INPP5D: variants seen among roughly 807,000 people sequenced by gnomAD.
INPP5D encodes the protein inositol polyphosphate-5-phosphatase D.
In INPP5D, 33 loss-of-function variants were observed where a neutral mutation model predicts 122.9. The ratio of observed to expected loss-of-function variants is 0.27; its 90% CI spans 0.20 to 0.36. The LOEUF is 0.36. Among genes scored for constraint, INPP5D ranks in the 10% least tolerant of loss-of-function variants. The probability of loss-of-function intolerance (pLI) is 1.00; values close to 1 mark genes in which losing one functional copy is unlikely to be tolerated. For synonymous variants in INPP5D, 584 were observed against 576.2 expected (o/e 1.01, Z -0.19); for missense variants, 1,053 against 1,412.7 (o/e 0.75, Z 4.08).
At position 233,169,342 on chromosome 2, in the gene INPP5D, T is replaced by C. The variant is rs1204583026; in HGVS notation, c.1593T>C (p.Asn531=). 5 of 1,606,880 alleles carry C rather than the reference T, an allele frequency of 3.1e-6. No homozygotes were observed. Among genetic ancestry groups the C allele is most frequent in the Non-Finnish European group, 3.4e-6 (4 of 1,176,666 alleles). Residue 531 remains asparagine, a synonymous_variant, in exon 14 of 27, where the codon AAT becomes AAC. Transcript: ENST00000445964. ...CCGTGGGGGTGTCGTTCATGTTCAA[T>C]GGAACCTCCTTAGGGTTCGTCAACA... ...KGAVGVSFMF[N]GTSLGFVNSH...
intron 17 of INPP5D, among the ~76,000 whole-genome samples, chr2:233,174,922 C>A: frequency 6.6e-6 from 1 of 151,792 alleles, no homozygotes; most frequent in East Asian, 1.9e-4. Context: ...ATTTGTTCAC[C>A]AAAAATAGGT....
At chr2:233,102,856 A>AAAAAAAC (rs1692354478) in intron 2 of INPP5D, among the ~76,000 whole-genome samples, 1 of 150,810 alleles carries the variant, frequency 6.6e-6, no homozygotes, top group African/African-American at 2.4e-5. Flanking sequence ...TCTCAAAAAA[A>AAAAAAAC]AAAAAAAACA....
chr2:233,073,979 A>G (rs972932238), intron 1 of INPP5D, among the ~76,000 whole-genome samples: 3 of 152,198 alleles, frequency 2.0e-5, no homozygotes, highest in African/African-American at 7.2e-5. Context: ...GAGTTCACAA[A>G]TCAGACTTGT....
intron 2 of INPP5D, among the ~76,000 whole-genome samples, chr2:233,098,340 A>T (rs1692205732): frequency 6.6e-6 from 1 of 152,164 alleles, no homozygotes; most frequent in Non-Finnish European, 1.5e-5. Flanking sequence ...AGGAGCTGGA[A>T]AACTTAGCCA....
At chr2:233,064,640 C>T (rs928033174) in intron 1 of INPP5D, among the ~76,000 whole-genome samples, 18 of 152,174 alleles carry the variant, frequency 1.2e-4, no homozygotes, top group Admixed American at 1.2e-3. Context: ...GCCTAGTTTA[C>T]AGGACTAACA....
intron 17 of INPP5D, among the ~76,000 whole-genome samples, chr2:233,173,147 T>C (rs995679737): frequency 1.3e-5 from 2 of 149,546 alleles, no homozygotes; most frequent in African/African-American, 5.0e-5. Context: ...AGATGGAAGT[T>C]GCAGTGAGCC....
intron 5 of INPP5D, among the ~76,000 whole-genome samples, chr2:233,134,575 TC>T (rs1693416594): frequency 6.6e-6 from 1 of 152,190 alleles, no homozygotes; most frequent in Non-Finnish European, 1.5e-5. Context: ...CGTGAAGATC[TC>T]TTTGCAGTAC....
chr2:233,133,508 T>C (rs146801642), intron 5 of INPP5D, among the ~76,000 whole-genome samples: 1 of 152,190 alleles, frequency 6.6e-6, no homozygotes, highest in Non-Finnish European at 1.5e-5. Context: ...TAAAAGCTGG[T>C]CAACAAGTAA....
rs778550841 is a variant in INPP5D at position 233,105,213 on chromosome 2, C to A, written c.199-16894C>A. Among the ~76,000 whole-genome samples, 4 of 152,224 alleles carry A rather than the reference C, an allele frequency of 2.6e-5. No homozygotes were observed. Among genetic ancestry groups the A allele is most frequent in the Middle Eastern group, 6.8e-3 (2 of 292 alleles). On this transcript the variant is annotated intron_variant, in intron 2 of 26. Coordinates refer to ENST00000445964, the MANE Select transcript of INPP5D (RefSeq NM_001017915.3). The surrounding 1 kb of genome is among the most constrained non-coding windows in gnomAD (Gnocchi z 4.0). The stretch of plus-strand genomic sequence containing the variant: ...AGAAGTGGGGATGGGAGCAGGGGGG[C>A]GGTCAGTGGGTCCCAGGGAACTGGG...
intron 1 of INPP5D, among the ~76,000 whole-genome samples, chr2:233,065,951 TAAA>T (rs1202865304): frequency 2.0e-5 from 3 of 150,398 alleles, no homozygotes; most frequent in Admixed American, 6.6e-5. Flanking sequence ...GGCCTTTTTT[TAAA>T]ATTATTATTA....
intron 21 of INPP5D, among the ~76,000 whole-genome samples, chr2:233,186,804 C>CCT (rs1288237145): frequency 7.5e-6 from 1 of 133,820 alleles, no homozygotes; most frequent in African/African-American, 2.8e-5. Context: ...CTCACTGCAA[C>CCT]CTCAACCTCC....
At chr2:233,171,513 A>C (rs770063601) in intron 17 of INPP5D, among the ~76,000 whole-genome samples, 13 of 152,236 alleles carry the variant, frequency 8.5e-5, no homozygotes, top group Non-Finnish European at 1.8e-4. Context: ...TCTTCGCTGC[A>C]GGACTTATCA....
At chr2:233,130,081 T>C (rs529634246) in intron 4 of INPP5D, among the ~76,000 whole-genome samples, 1 of 152,352 alleles carries the variant, frequency 6.6e-6, no homozygotes, top group African/African-American at 2.4e-5. Flanking sequence ...TTTGTATTTT[T>C]AGTAGAGGCG....
chr2:233,101,116 T>G (rs541493916), intron 2 of INPP5D, among the ~76,000 whole-genome samples: 3 of 152,268 alleles, frequency 2.0e-5, no homozygotes, highest in Non-Finnish European at 4.4e-5. Flanking sequence ...GGGATGATTT[T>G]GCCAAAAGGG....
At chr2:233,075,203 T>C (rs912662789) in intron 1 of INPP5D, among the ~76,000 whole-genome samples, 1 of 152,206 alleles carries the variant, frequency 6.6e-6, no homozygotes, top group Non-Finnish European at 1.5e-5. Context: ...ACAAATCTCA[T>C]TTGTTAGCAG....
intron 9 of INPP5D, among the ~76,000 whole-genome samples, chr2:233,157,269 T>C (rs1326348381): frequency 6.6e-6 from 1 of 152,124 alleles, no homozygotes; most frequent in East Asian, 1.9e-4. Context: ...TCCTGGATTA[T>C]GAAGTAAGGC....
At chr2:233,190,082 C>A in intron 22 of INPP5D, 145 bp downstream of exon 22, 1 of 1,320,174 alleles carries the variant, frequency 7.6e-7, no homozygotes, top group Non-Finnish European at 1.0e-6. Context: ...GTGGGACCGT[C>A]ACCACTAAGT....
intron 25 of INPP5D, among the ~76,000 whole-genome samples, chr2:233,202,567 T>G (rs1277829071): frequency 6.6e-6 from 1 of 152,170 alleles, no homozygotes; most frequent in East Asian, 1.9e-4. Flanking sequence ...AGAGTCACTG[T>G]TGAGTGCCTG....
rs943027351 is a variant in INPP5D at position 233,067,381 on chromosome 2, C to T, written c.134+6769C>T. On this transcript the variant is annotated intron_variant, in intron 1 of 26. Coordinates refer to ENST00000445964, the MANE Select transcript of INPP5D (RefSeq NM_001017915.3). The stretch of plus-strand genomic sequence containing the variant: ...CTGTGTTGTGGCATGAATCACTCCT[C>T]TCCAGGGCTGACTAATGAGCCACTG... Among the ~76,000 whole-genome samples the T allele has an allele frequency of 4.6e-5, 7 of 152,216 alleles. No individual in the cohort carries two copies. In the East Asian group the frequency reaches 9.6e-4, roughly 21 times the overall value.
Sources: allele counts gnomAD v4.1 joint callset (sites outside exome capture counted in the v4.1 genomes callset), GRCh38; gene constraint gnomAD v4.1.1; non-coding constraint Gnocchi (gnomAD v3.1); transcripts MANE v1.5; gene names NCBI Gene and HGNC (gene_info 2026-07-23, HGNC 2026-07-21).